GALNT9: variants seen among roughly 807,000 people sequenced by gnomAD.
GALNT9 encodes GalNAc transferase 9.
A neutral mutation model predicts 63.1 loss-of-function variants in GALNT9; 47 were observed. The observed-to-expected ratio is 0.75, with a 90% CI of 0.59 to 0.95. The LOEUF is 0.95. Among genes scored for constraint, GALNT9 ranks in the 40% least tolerant of loss-of-function variants. GALNT9 has a pLI of 0.00. For missense variants in GALNT9, 829 were observed against 874.8 expected (o/e 0.95, Z 0.66); for synonymous variants, 396 against 365.7 (o/e 1.08, Z -0.94).
chr12:132,275,368 G>T, intron 2 of GALNT9: 1 of 152,418 alleles, frequency 6.6e-6, no homozygotes, highest in Non-Finnish European at 1.5e-5. Context: ...GCCAGGAGAG[G>T]TTGGCTGGGC....
Position 132,196,436 on chromosome 12 carries a change from C to T in GALNT9, c.*671G>A. The stretch of plus-strand genomic sequence containing the variant: ...GCAAGGGGCTGGGCTGCGGCAGGGC[C>T]CAGGTGCCTGGGAAAGAGGTGGGAC... On this transcript the variant is annotated 3_prime_UTR_variant, in exon 11 of 11. Coordinates refer to ENST00000328957, the MANE Select transcript of GALNT9 (RefSeq NM_001122636.2). The T allele has an allele frequency of 1.0e-6, 1 of 985,522 alleles. No homozygotes were observed. The highest frequency in any genetic ancestry group is 1.2e-6 in the Non-Finnish European group (1 of 829,992). 61.0% of individuals were successfully genotyped at this position (985,522 alleles called of 1,614,324 possible).
intron 1 of GALNT9, among the ~76,000 whole-genome samples, chr12:132,299,462 C>A (rs1481829716): frequency 7.1e-6 from 1 of 141,518 alleles, no homozygotes; most frequent in Non-Finnish European, 1.5e-5. Context: ...CACACCTAAC[C>A]CACCCCTGAG....
intron 2 of GALNT9, among the ~76,000 whole-genome samples, chr12:132,269,945 G>A (rs781914639): frequency 2.6e-5 from 4 of 152,246 alleles, no homozygotes; most frequent in Admixed American, 6.5e-5. Context: ...GAACAGCACA[G>A]ACGGACCCTC....
At chr12:132,311,784 C>A (rs1414906572) in intron 1 of GALNT9, among the ~76,000 whole-genome samples, 3 of 152,160 alleles carry the variant, frequency 2.0e-5, no homozygotes, top group African/African-American at 4.8e-5. Context: ...GCCCTGCGTC[C>A]TTCGTGTGCG....
intron 1 of GALNT9, among the ~76,000 whole-genome samples, chr12:132,299,767 T>C (rs1291908480): frequency 7.4e-6 from 1 of 134,272 alleles, no homozygotes; most frequent in Non-Finnish European, 1.6e-5. Flanking sequence ...AACCCATCCC[T>C]GAGATGACCA....
chr12:132,203,821 G>C, intron 6 of GALNT9, 131 bp from the exon 7 acceptor site: 1 of 940,066 alleles, frequency 1.1e-6, no homozygotes, highest in Non-Finnish European at 1.6e-6. Flanking sequence ...CGACGGGCCT[G>C]GTGGGTCCCG....
chr12:132,300,344 A>G (rs1881247639), intron 1 of GALNT9, among the ~76,000 whole-genome samples: 1 of 135,938 alleles, frequency 7.4e-6, no homozygotes, highest in Non-Finnish European at 1.6e-5. Context: ...ACCCACTCCC[A>G]CCACATCTAA....
Position 132,197,234 on chromosome 12 carries a change from C to A in GALNT9, c.1685G>T (p.Arg562Leu). The change falls in exon 11 of 11, where the codon CGG becomes CTG. Residue 562 changes from arginine (R) to leucine (L), a missense_variant. By Grantham distance (102) the Arg-to-Leu change is moderately radical. Coordinates refer to ENST00000328957, the MANE Select transcript of GALNT9 (RefSeq NM_001122636.2). The part of the protein sequence containing the change: ...DFTQSGPIVS[R>L]ATGRCLEVEM... ...CACCTCCAGGCAGCGGCCCGTGGCC[C>A]GGCTCACAATGGGGCCACTCTGTGG... 6.2e-7 allele frequency: 1 copy of A among 1,612,602 alleles called. No homozygotes were observed. The highest frequency in any genetic ancestry group is 8.5e-7 in the Non-Finnish European group (1 of 1,179,862).
chr12:132,248,286 T>C (rs1878791217), intron 5 of GALNT9, among the ~76,000 whole-genome samples: 1 of 152,196 alleles, frequency 6.6e-6, no homozygotes, highest in Admixed American at 6.5e-5. Context: ...AGAACCCGCA[T>C]TCAATTCAGC....
chr12:132,238,778 G>C lies in GALNT9; in HGVS notation c.1077+9132C>G, dbSNP rs1358751531. On this transcript the variant is annotated intron_variant, in intron 6 of 10. Transcript: ENST00000328957. This position sits in a 1 kb window ranked among gnomAD's most constrained non-coding sequence, Gnocchi z 6.5. ...CCGCCCCCTCATCTGCAGGCCACCC[G>C]CCCAGGGACGTGCTACCATTTACCT... 6.6e-6 allele frequency among the ~76,000 whole-genome samples: 1 copy of C among 152,162 alleles called. No individual in the cohort carries two copies. Among genetic ancestry groups the C allele is most frequent in the East Asian group, 1.9e-4 (1 of 5,194 alleles).
chr12:132,285,311 C>T (rs533449872), intron 2 of GALNT9, among the ~76,000 whole-genome samples: 35 of 152,394 alleles, frequency 2.3e-4, no homozygotes, highest in African/African-American at 8.4e-4. Context: ...CATCCTGTCG[C>T]GGGCTGGGCT....
At chr12:132,200,576 A>T (rs1338799722) in intron 8 of GALNT9, 1 of 153,066 alleles carries the variant, frequency 6.5e-6, no homozygotes, top group Non-Finnish European at 1.5e-5. Flanking sequence ...TTTGGGGTTC[A>T]TGCACTTAGT....
chr12:132,240,790 G>A (rs1163022326), intron 6 of GALNT9: 17 of 448,836 alleles, frequency 3.8e-5, no homozygotes, highest in Middle Eastern at 3.3e-4. Flanking sequence ...ATCTATACAT[G>A]TTTACACACA....
At chr12:132,288,264 C>T (rs941919643) in intron 1 of GALNT9, among the ~76,000 whole-genome samples, 1 of 152,200 alleles carries the variant, frequency 6.6e-6, no homozygotes, top group African/African-American at 2.4e-5. Flanking sequence ...TTGAGCCTCC[C>T]GGAACCTCTG....
chr12:132,304,605 AG>A (rs1555244350), intron 1 of GALNT9, among the ~76,000 whole-genome samples: 1 of 33,954 alleles, frequency 2.9e-5, no homozygotes, highest in Non-Finnish European at 4.8e-5. Context: ...ACCCGGGCAC[AG>A]CCTCACCCGG....
chr12:132,303,340 A>G (rs1319340880), intron 1 of GALNT9, among the ~76,000 whole-genome samples: 1 of 151,470 alleles, frequency 6.6e-6, no homozygotes, highest in Non-Finnish European at 1.5e-5. Context: ...ATCCACCACC[A>G]AAAACGGAAG....
At chr12:132,303,435 ACACCCTCGCCCG>A (rs1881398136) in intron 1 of GALNT9, among the ~76,000 whole-genome samples, 5 of 145,270 alleles carry the variant, frequency 3.4e-5, no homozygotes, top group African/African-American at 7.7e-5. Context: ...TCGCCCGGGC[ACACCCTCGCCCG>A]GGCACACCCT....
intron 1 of GALNT9, among the ~76,000 whole-genome samples, chr12:132,324,101 A>G (rs1396055009): frequency 2.0e-5 from 3 of 152,254 alleles, no homozygotes; most frequent in African/African-American, 7.2e-5. Context: ...TTTCTGCTGG[A>G]AACCGCACTT....
intron 1 of GALNT9, among the ~76,000 whole-genome samples, chr12:132,328,450 C>T (rs1869138373): frequency 6.6e-6 from 1 of 152,214 alleles, no homozygotes. Context: ...GACAGGGGGC[C>T]GCCTAGCCCA....
Sources: allele counts gnomAD v4.1 joint callset (sites outside exome capture counted in the v4.1 genomes callset), GRCh38; gene constraint gnomAD v4.1.1; non-coding constraint Gnocchi (gnomAD v3.1); transcripts MANE v1.5; gene names NCBI Gene and HGNC (gene_info 2026-07-23, HGNC 2026-07-21).